Variants in RAMP3 observed in about 807,000 individuals in gnomAD.
RAMP3 encodes the protein receptor activity modifying protein 3, also known as receptor activity-modifying protein 3.
RAMP3 carries 14 observed loss-of-function variants against 13.5 expected under a neutral mutation model. That is an observed-to-expected ratio of 1.04 (90% CI 0.69 to 1.63). The LOEUF (loss-of-function observed/expected upper bound fraction) is 1.63, where lower values mean the gene tolerates loss of function less well. Among genes scored for constraint, RAMP3 ranks in the 40% most tolerant of loss-of-function variants. The pLI, the probability that RAMP3 is intolerant of heterozygous loss-of-function variation, is 0.00. For missense variants in RAMP3, 200 were observed against 204.8 expected (o/e 0.98, Z 0.14); for synonymous variants, 106 against 88.3 (o/e 1.20, Z -1.12).
At chr7:45,177,470 G>A (rs777579522) in intron 2 of RAMP3, 29 bp downstream of exon 2, 42 of 1,613,568 alleles carry the variant, frequency 2.6e-5, no homozygotes, top group Non-Finnish European at 3.6e-5. Flanking sequence ...CGTGGGATTT[G>A]CTCTGACCAC....
At chr7:45,161,409 A>AAGC (rs1785863253) in intron 1 of RAMP3, among the ~76,000 whole-genome samples, 1 of 152,068 alleles carries the variant, frequency 6.6e-6, no homozygotes, top group Admixed American at 6.5e-5. Context: ...ATGAATACTT[A>AAGC]TCAGGACCTT....
In RAMP3 at chr7:45,183,677, C is replaced by T. The variant is rs1786366289; in HGVS notation, c.*265C>T. ...ATAAGGCCAGAGCTTGTGTGCTGGG[C>T]ACAGAAATCACCTGCTGCATCCTGT... On this transcript the variant is annotated 3_prime_UTR_variant, in exon 3 of 3. Transcript: ENST00000242249. 1 of 592,930 alleles carries T rather than the reference C, an allele frequency of 1.7e-6. No homozygotes were observed. Among genetic ancestry groups the T allele is most frequent in the Non-Finnish European group, 3.0e-6 (1 of 333,920 alleles). The allele number at this position is 592,930 out of a possible 1,614,324, so 36.7% of individuals were successfully genotyped here.
At chr7:45,174,704 G>A (rs1786146450) in intron 1 of RAMP3, among the ~76,000 whole-genome samples, 1 of 152,118 alleles carries the variant, frequency 6.6e-6, no homozygotes, top group Admixed American at 6.5e-5. Flanking sequence ...GCATCTTGGT[G>A]AGACTTCCTG....
At chr7:45,167,714 G>A (rs975668926) in intron 1 of RAMP3, among the ~76,000 whole-genome samples, 2 of 151,924 alleles carry the variant, frequency 1.3e-5, no homozygotes, top group African/African-American at 2.4e-5. Flanking sequence ...GGCTTCCCAA[G>A]TAGCTGGGAT....
At chr7:45,172,141 C>A (rs1400618056) in intron 1 of RAMP3, among the ~76,000 whole-genome samples, 2 of 152,180 alleles carry the variant, frequency 1.3e-5, no homozygotes, top group East Asian at 3.8e-4. Context: ...GGGCAGGGAG[C>A]CTCAGTTCTC....
chr7:45,182,194 C>G (rs112956301), intron 2 of RAMP3, among the ~76,000 whole-genome samples: 1 of 152,130 alleles, frequency 6.6e-6, no homozygotes, highest in Non-Finnish European at 1.5e-5. Flanking sequence ...ATGGGGAAGC[C>G]GAGGCAGGAC....
chr7:45,158,033 C>A, intron 1 of RAMP3, 147 bp downstream of exon 1: 1 of 831,392 alleles, frequency 1.2e-6, no homozygotes, highest in Non-Finnish European at 1.6e-6. Context: ...TGGCGGGATT[C>A]CCAGGCTCTG....
At chr7:45,164,325 G>T (rs369406168) in intron 1 of RAMP3, among the ~76,000 whole-genome samples, 1 of 152,156 alleles carries the variant, frequency 6.6e-6, no homozygotes, top group African/African-American at 2.4e-5. Flanking sequence ...AAGGCGAGAG[G>T]ATCACTGGAG....
At chr7:45,163,036 A>G in intron 1 of RAMP3, 1 of 456,928 alleles carries the variant, frequency 2.2e-6, no homozygotes, top group Non-Finnish European at 2.9e-6. Context: ...TGCACATCTG[A>G]GTGGAGACAC....
intron 1 of RAMP3, among the ~76,000 whole-genome samples, chr7:45,167,813 C>T (rs1292936048): frequency 2.0e-5 from 3 of 151,820 alleles, no homozygotes; most frequent in Non-Finnish European, 2.9e-5. Flanking sequence ...CTCCAACTCC[C>T]GACCTCAGGT....
intron 1 of RAMP3, among the ~76,000 whole-genome samples, chr7:45,165,951 A>G (rs1785952228): frequency 6.6e-6 from 1 of 152,174 alleles, no homozygotes; most frequent in Admixed American, 6.5e-5. Context: ...ACATTATTTC[A>G]TCTTTTGGCT....
At chr7:45,168,752 T>C (rs1348636053) in intron 1 of RAMP3, among the ~76,000 whole-genome samples, 5 of 152,250 alleles carry the variant, frequency 3.3e-5, no homozygotes, top group Non-Finnish European at 7.3e-5. Context: ...CTATCTAACT[T>C]GGATGCCTTT....
intron 2 of RAMP3, among the ~76,000 whole-genome samples, chr7:45,180,015 A>G (rs1301899431): frequency 6.6e-6 from 1 of 152,194 alleles, no homozygotes; most frequent in Non-Finnish European, 1.5e-5. Context: ...CTAGTGTGCT[A>G]TTTCCCGCCA....
At chr7:45,159,784 A>T (rs1235272230) in intron 1 of RAMP3, among the ~76,000 whole-genome samples, 1 of 152,240 alleles carries the variant, frequency 6.6e-6, no homozygotes, top group Non-Finnish European at 1.5e-5. Context: ...GGAAGGGTTC[A>T]TGCTTAAACA....
At chr7:45,182,608 G>A (rs1161901384) in intron 2 of RAMP3, among the ~76,000 whole-genome samples, 3 of 152,198 alleles carry the variant, frequency 2.0e-5, no homozygotes, top group Non-Finnish European at 4.4e-5. Context: ...GGCTGAAGGA[G>A]GCAACTTCTG....
rs114921859 is a variant in RAMP3, at chr7:45,158,857, T to C, written c.58+971T>C. ...GTGTGCAGAACTTGTGTGGCTTCATTTGGTGTTCCAGGGCTGGAGCCTAGG... is the reference window on the plus strand; with the variant it reads ...GTGTGCAGAACTTGTGTGGCTTCATCTGGTGTTCCAGGGCTGGAGCCTAGG... On this transcript the variant is annotated intron_variant, in intron 1 of 2. Transcript: ENST00000242249. 8.0e-3 allele frequency among the ~76,000 whole-genome samples: 1,226 copies of C among 152,302 alleles called. 14 individuals are homozygous for C. The highest frequency in any genetic ancestry group is 0.028 in the African/African-American group (1,165 of 41,550).
At position 45,165,052 on chromosome 7, in the gene RAMP3, T is replaced by G. The variant is rs569555252; in HGVS notation, c.58+7166T>G. On this transcript the variant is annotated intron_variant, in intron 1 of 2. Transcript: ENST00000242249. Reference sequence around the variant, plus strand: ...TGCCTTCTTTTGGACTTAGTATTTATTATTATTACTCCATTTCTTTTTCCT... The same window carrying G: ...TGCCTTCTTTTGGACTTAGTATTTAGTATTATTACTCCATTTCTTTTTCCT... Among the ~76,000 whole-genome samples the G allele has an allele frequency of 7.9e-5, 12 of 152,274 alleles. 2 individuals are homozygous for G. In the South Asian group the frequency reaches 8.3e-4, roughly 11 times the overall value.
At chr7:45,170,914 T>A (rs1208608015) in intron 1 of RAMP3, among the ~76,000 whole-genome samples, 2 of 151,510 alleles carry the variant, frequency 1.3e-5, no homozygotes, top group Non-Finnish European at 2.9e-5. Context: ...TAAGAGTGAG[T>A]CACCATGTCC....
At chr7:45,162,085 C>T (rs1785878136) in intron 1 of RAMP3, among the ~76,000 whole-genome samples, 1 of 152,186 alleles carries the variant, frequency 6.6e-6, no homozygotes, top group East Asian at 1.9e-4. Flanking sequence ...TCCACGTGGT[C>T]CCTGGGGCTT....
Sources: gnomAD v4.1 joint callset for allele counts (sites outside exome capture counted in the v4.1 genomes callset) on GRCh38, gnomAD v4.1.1 for gene constraint, MANE v1.5 for transcripts, NCBI Gene and HGNC (gene_info 2026-07-23, HGNC 2026-07-21) for gene names.